The following ADCY2 variants were observed in gnomAD, a reference collection of about 807,000 sequenced individuals.
ADCY2 encodes the protein adenylate cyclase 2.
A neutral mutation model predicts 125.2 loss-of-function variants in ADCY2; 31 were observed. The observed-to-expected ratio is 0.25, with a 90% confidence interval of 0.19 to 0.33. The LOEUF (loss-of-function observed/expected upper bound fraction) is 0.33, where lower values mean the gene tolerates loss of function less well. Ranked by LOEUF, ADCY2 falls within the 10% of genes least tolerant of loss-of-function variation. The pLI is 1.00. For synonymous variants in ADCY2, 512 were observed against 548.4 expected (o/e 0.93, Z 0.93); for missense variants, 904 against 1,418.2 (o/e 0.64, Z 5.82).
intron 16 of ADCY2, among the ~76,000 whole-genome samples, chr5:7,763,595 C>T (rs1242440083): frequency 6.6e-6 from 1 of 152,174 alleles, no homozygotes; most frequent in Non-Finnish European, 1.5e-5. Flanking sequence ...CTCCCCAGCC[C>T]CAGGTCACCA....
intron 14 of ADCY2, among the ~76,000 whole-genome samples, chr5:7,733,601 G>A (rs1742168179): frequency 6.6e-6 from 1 of 152,128 alleles, no homozygotes; most frequent in Non-Finnish European, 1.5e-5. Flanking sequence ...GTGACCTGTA[G>A]AATTTATAGA....
At chr5:7,669,636 A>C (rs1482270604) in intron 4 of ADCY2, among the ~76,000 whole-genome samples, 2 of 152,188 alleles carry the variant, frequency 1.3e-5, no homozygotes, top group Non-Finnish European at 1.5e-5. Flanking sequence ...TCATGTAAAA[A>C]AGGTAAGTTT....
At chr5:7,630,079 C>T (rs1183995918) in intron 4 of ADCY2, among the ~76,000 whole-genome samples, 9 of 152,062 alleles carry the variant, frequency 5.9e-5, no homozygotes, top group South Asian at 2.1e-4. Flanking sequence ...AAATACTAGT[C>T]GGGCGAGGCT....
chr5:7,706,879 C>T lies in ADCY2; in HGVS notation c.1245C>T (p.His415=), dbSNP rs1400518577. The T allele has an allele frequency of 6.2e-7, 1 of 1,614,210 alleles. No homozygotes were observed. Residue 415 remains histidine (H), a synonymous_variant, in exon 8 of 25, where the codon CAC becomes CAT. Transcript: ENST00000338316. ...VWSHDVTLAN[H]MEAGGVPGRV... ...CACATGATGTGACCTTGGCCAACCA[C>T]ATGGAAGCTGGAGGGGTCCCTGGGT...
chr5:7,429,594 T>C (rs1469480871), intron 2 of ADCY2, among the ~76,000 whole-genome samples: 2 of 152,108 alleles, frequency 1.3e-5, no homozygotes, highest in Non-Finnish European at 2.9e-5. Flanking sequence ...AAATTACAAA[T>C]CAATAACATT....
chr5:7,416,618 ACAGAAC>A, intron 2 of ADCY2, among the ~76,000 whole-genome samples: 1 of 152,358 alleles, frequency 6.6e-6, no homozygotes, highest in Admixed American at 6.5e-5. Context: ...AGATCAACTA[ACAGAAC>A]TCATAAGAGA....
intron 4 of ADCY2, among the ~76,000 whole-genome samples, chr5:7,647,030 T>C (rs1355364581): frequency 6.6e-6 from 1 of 152,196 alleles, no homozygotes; most frequent in East Asian, 1.9e-4. Context: ...AAAAAGTTAT[T>C]GTAGGAAAGT....
intron 4 of ADCY2, among the ~76,000 whole-genome samples, chr5:7,637,305 A>G (rs1561138261): frequency 6.6e-6 from 1 of 152,072 alleles, no homozygotes; most frequent in East Asian, 1.9e-4. Context: ...CCCTGTCTCT[A>G]CTAGAAATAC....
In ADCY2 at chr5:7,577,967, A is replaced by T. The variant is rs1736305155; in HGVS notation, c.571-48200A>T. Reference sequence around the variant, plus strand: ...CTCTTGGCTTCGTCTTAACCCTATAACTGTTATAGCTAAGGCAGGAGGGCT... The same window carrying T: ...CTCTTGGCTTCGTCTTAACCCTATATCTGTTATAGCTAAGGCAGGAGGGCT... On this transcript the variant is annotated intron_variant, in intron 3 of 24. Transcript: ENST00000338316. 2.0e-5 allele frequency among the ~76,000 whole-genome samples: 3 copies of T among 152,112 alleles called. No individual in the cohort carries two copies. The South Asian group carries it at 6.2e-4, about 32-fold the overall frequency.
chr5:7,634,680 TG>T (rs1217349931), intron 4 of ADCY2, among the ~76,000 whole-genome samples: 1 of 151,942 alleles, frequency 6.6e-6, no homozygotes, highest in Non-Finnish European at 1.5e-5. Context: ...AAAGCCCTCT[TG>T]TCCTATTTAT....
chr5:7,409,963 A>G (rs1385534514), intron 1 of ADCY2, among the ~76,000 whole-genome samples: 3 of 150,548 alleles, frequency 2.0e-5, no homozygotes, highest in East Asian at 4.0e-4. Flanking sequence ...AAAATTGTCT[A>G]TCTATTTATC....
At chr5:7,764,122 T>C (rs1248096108) in intron 16 of ADCY2, among the ~76,000 whole-genome samples, 1 of 152,164 alleles carries the variant, frequency 6.6e-6, no homozygotes, top group East Asian at 1.9e-4. Flanking sequence ...TTCCAATGAA[T>C]TGTGCGATTT....
intron 3 of ADCY2, among the ~76,000 whole-genome samples, chr5:7,534,158 C>T (rs1263593729): frequency 6.6e-6 from 1 of 152,228 alleles, no homozygotes; most frequent in Non-Finnish European, 1.5e-5. Context: ...TGGACAAGCA[C>T]ATCTCTGCTC....
At chr5:7,492,370 T>C (rs1440735309) in intron 2 of ADCY2, among the ~76,000 whole-genome samples, 3 of 152,190 alleles carry the variant, frequency 2.0e-5, no homozygotes, top group Non-Finnish European at 4.4e-5. Flanking sequence ...TTTGGGGGCA[T>C]TGGAGGAATG....
chr5:7,700,390 T>G (rs1446945868), intron 7 of ADCY2, among the ~76,000 whole-genome samples: 1 of 152,196 alleles, frequency 6.6e-6, no homozygotes, highest in African/African-American at 2.4e-5. Context: ...GAAGCCAGAA[T>G]ATTCTTATAA....
chr5:7,464,654 C>A (rs751623867), intron 2 of ADCY2, among the ~76,000 whole-genome samples: 1 of 151,934 alleles, frequency 6.6e-6, no homozygotes, highest in Non-Finnish European at 1.5e-5. Context: ...CTGTTATACT[C>A]GATATGCAGT....
intron 24 of ADCY2, among the ~76,000 whole-genome samples, chr5:7,825,873 C>T (rs1745459858): frequency 6.6e-6 from 1 of 152,248 alleles, no homozygotes; most frequent in African/African-American, 2.4e-5. Flanking sequence ...GACAGTGCAT[C>T]TCCGCTGAGG....
At chr5:7,496,208 AACT>A (rs1467744971) in intron 2 of ADCY2, among the ~76,000 whole-genome samples, 1 of 152,242 alleles carries the variant, frequency 6.6e-6, no homozygotes, top group Non-Finnish European at 1.5e-5. Context: ...ATAGGGGAGA[AACT>A]CTTAGCAAGA....
In ADCY2 at chr5:7,571,192, C is replaced by T. The variant is rs77211816; in HGVS notation, c.570+50293C>T. Reference sequence around the variant, plus strand: ...AGAAGAGATTTATTATAAGAATTGGCGCAGGCAGTTATGGAGGCTGAGAAA... The same window carrying T: ...AGAAGAGATTTATTATAAGAATTGGTGCAGGCAGTTATGGAGGCTGAGAAA... On this transcript the variant is annotated intron_variant, in intron 3 of 24. Transcript: ENST00000338316. Among the ~76,000 whole-genome samples, 707 of 152,078 alleles carry T rather than the reference C, an allele frequency of 4.6e-3. 3 individuals are homozygous for T. Among genetic ancestry groups the T allele is most frequent in the Non-Finnish European group, 7.1e-3 (480 of 67,990 alleles).
Sources: allele counts gnomAD v4.1 joint callset (sites outside exome capture counted in the v4.1 genomes callset), GRCh38; gene constraint gnomAD v4.1.1; transcripts MANE v1.5; gene names NCBI Gene and HGNC (gene_info 2026-07-23, HGNC 2026-07-21).